Variants in ST3GAL3 observed in about 807,000 individuals in gnomAD.
ST3GAL3 encodes the protein ST3 beta-galactoside alpha-2,3-sialyltransferase 3.
In ST3GAL3, 21 loss-of-function variants were observed where a neutral mutation model predicts 50.1. The ratio of observed to expected loss-of-function variants is 0.42; its 90% CI spans 0.30 to 0.60. ST3GAL3 has a LOEUF of 0.60. ST3GAL3 is among the 20% of genes least tolerant of loss of function. The pLI is 0.19. For missense variants in ST3GAL3, 353 were observed against 489.4 expected (o/e 0.72, Z 2.63); for synonymous variants, 183 against 190.0 (o/e 0.96, Z 0.30).
At chr1:43,896,403 T>C (rs912210196) in intron 6 of ST3GAL3, among the ~76,000 whole-genome samples, 2 of 152,224 alleles carry the variant, frequency 1.3e-5, no homozygotes, top group Non-Finnish European at 2.9e-5. Flanking sequence ...ATAATAAGCA[T>C]TGATGTACCT....
intron 3 of ST3GAL3, among the ~76,000 whole-genome samples, chr1:43,796,839 A>G (rs1236150168): frequency 6.6e-6 from 1 of 152,232 alleles, no homozygotes; most frequent in Non-Finnish European, 1.5e-5. Context: ...AATGCTCCCC[A>G]AAGTAAAGGC....
At chr1:43,801,875 C>T (rs2059359768) in intron 3 of ST3GAL3, among the ~76,000 whole-genome samples, 1 of 152,112 alleles carries the variant, frequency 6.6e-6, no homozygotes, top group African/African-American at 2.4e-5. Flanking sequence ...AGCATTGCGC[C>T]TTTAGTCCAA....
In ST3GAL3 at chr1:43,917,673, A is replaced by G. The variant is rs2082298381; in HGVS notation, c.745-2731A>G. Among the ~76,000 whole-genome samples, 4 of 105,814 alleles carry G rather than the reference A, an allele frequency of 3.8e-5. No individual in the cohort carries two copies. In the South Asian group the frequency reaches 9.8e-4, roughly 26 times the overall value. 69.4% of individuals were successfully genotyped at this position (105,814 alleles called of 152,430 possible). A position where few individuals can be genotyped will look rare whatever the true frequency, so the allele number is the denominator to read the frequency against. The stretch of plus-strand genomic sequence containing the variant: ...TAATATAATATATAATATATATTAT[A>G]TATATATATATTTTAAACAGAGTCT... On this transcript the variant is annotated intron_variant, in intron 9 of 11. Coordinates refer to ENST00000347631, the MANE Select transcript of ST3GAL3 (RefSeq NM_006279.5).
intron 1 of ST3GAL3, among the ~76,000 whole-genome samples, chr1:43,732,735 A>G (rs954478977): frequency 1.3e-5 from 2 of 152,174 alleles, no homozygotes; most frequent in Non-Finnish European, 2.9e-5. Context: ...TCTTGCTGTT[A>G]TACTCAGAGT....
intron 2 of ST3GAL3, among the ~76,000 whole-genome samples, chr1:43,760,417 C>G (rs948486111): frequency 1.3e-5 from 2 of 152,142 alleles, no homozygotes; most frequent in African/African-American, 2.4e-5. Flanking sequence ...ACCCATAATG[C>G]GCAAATGACT....
At chr1:43,915,894 G>A (rs191687376) in intron 9 of ST3GAL3, among the ~76,000 whole-genome samples, 26 of 152,296 alleles carry the variant, frequency 1.7e-4, no homozygotes, top group African/African-American at 5.8e-4. Flanking sequence ...CGAGGTGGGC[G>A]GGTCTTCTGA....
intron 1 of ST3GAL3, among the ~76,000 whole-genome samples, chr1:43,719,675 GAAT>G (rs1407326634): frequency 1.4e-5 from 2 of 148,110 alleles, no homozygotes; most frequent in Non-Finnish European, 3.0e-5. Context: ...AAAAAAAAAA[GAAT>G]AAGCGGTGGC....
At chr1:43,867,503 G>A (rs1035766583) in intron 5 of ST3GAL3, among the ~76,000 whole-genome samples, 1 of 152,180 alleles carries the variant, frequency 6.6e-6, no homozygotes, top group African/African-American at 2.4e-5. Context: ...GTGGGTCTGG[G>A]GTTCCCAGGG....
rs1405816556 is a variant in ST3GAL3, at chr1:43,894,445, A to C, written c.365A>C (p.Glu122Ala). 1 of 1,614,108 alleles carries C rather than the reference A, an allele frequency of 6.2e-7. No homozygotes were observed. The highest frequency in any genetic ancestry group is 8.5e-7 in the Non-Finnish European group (1 of 1,180,014). ...DSFRKWARIREFVPPFGIKGQ... is the reference protein window; with the variant it reads ...DSFRKWARIRAFVPPFGIKGQ... ...TTTCGCAAGTGGGCTAGAATCCGGG[A>C]GTTCGTGCCGCCTTTTGGGATCAAA... The change falls in exon 6 of 12, where the codon GAG becomes GCG. Residue 122 changes from glutamate (E) to alanine (A), a missense_variant. Glu to Ala is a moderately radical substitution (Grantham distance 107). Coordinates refer to ENST00000347631, the MANE Select transcript of ST3GAL3 (RefSeq NM_006279.5).
intron 2 of ST3GAL3, among the ~76,000 whole-genome samples, chr1:43,749,583 A>G (rs1357731716): frequency 6.6e-6 from 1 of 152,142 alleles, no homozygotes; most frequent in Non-Finnish European, 1.5e-5. Context: ...ACAAACAAAC[A>G]AAAAAATGAA....
chr1:43,837,730 G>C (rs12084315), intron 4 of ST3GAL3, among the ~76,000 whole-genome samples: 3,516 of 152,262 alleles, frequency 0.023, 138 homozygotes, highest in African/African-American at 0.081. Context: ...CAACACTTTG[G>C]GAGGCCAAGG....
In ST3GAL3 at chr1:43,899,827, C is replaced by G; in HGVS notation, c.744+100C>G. 8.2e-7 allele frequency: 1 copy of G among 1,215,542 alleles called. No individual in the cohort carries two copies. Among genetic ancestry groups the G allele is most frequent in the Non-Finnish European group, 1.2e-6 (1 of 837,106 alleles). The allele number at this position is 1,215,542 out of a possible 1,614,324, so 75.3% of individuals were successfully genotyped here. ...AATGCAGCAAAGAACGAGTAAGAAC[C>G]TTCAAAGGAAACATTAATGACCCAA... On this transcript the variant is annotated intron_variant, in intron 9 of 11. Coordinates refer to ENST00000347631, the MANE Select transcript of ST3GAL3 (RefSeq NM_006279.5). This position sits in a 1 kb window ranked among gnomAD's most constrained non-coding sequence, Gnocchi z 5.4.
intron 1 of ST3GAL3, among the ~76,000 whole-genome samples, chr1:43,732,599 C>T (rs1173267041): frequency 6.6e-6 from 1 of 152,166 alleles, no homozygotes; most frequent in Non-Finnish European, 1.5e-5. Flanking sequence ...CATTAAACTG[C>T]CTTCAGTTTA....
chr1:43,920,140 G>A, intron 9 of ST3GAL3: 1 of 512,062 alleles, frequency 2.0e-6, no homozygotes, highest in South Asian at 2.0e-5. Context: ...CCCACATCCT[G>A]TGCCTGCCCG....
chr1:43,798,664 TA>T (rs1290778811), intron 3 of ST3GAL3, among the ~76,000 whole-genome samples: 1 of 152,230 alleles, frequency 6.6e-6, no homozygotes, highest in Non-Finnish European at 1.5e-5. Context: ...TCCACTCCTC[TA>T]ACCAGTCCTT....
In ST3GAL3 at chr1:43,886,475, T is replaced by C. The variant is rs915544146; in HGVS notation, c.303-7908T>C. On this transcript the variant is annotated intron_variant, in intron 5 of 11. Coordinates refer to ENST00000347631, the MANE Select transcript of ST3GAL3 (RefSeq NM_006279.5). ...CATTATATGTATCACAACATCACTT[T>C]GTACTCCATAAATATGTACAATTAT... Among the ~76,000 whole-genome samples, 3 of 152,386 alleles carry C rather than the reference T, an allele frequency of 2.0e-5. No homozygotes were observed. In the South Asian group the frequency reaches 6.2e-4, roughly 32 times the overall value.
chr1:43,746,363 G>T (rs981817382), intron 2 of ST3GAL3, among the ~76,000 whole-genome samples: 1 of 152,248 alleles, frequency 6.6e-6, no homozygotes, highest in East Asian at 1.9e-4. Context: ...CAGAGTTTCA[G>T]TTTATAAGAT....
At chr1:43,850,328 G>C (rs1301020835) in intron 5 of ST3GAL3, 3 of 593,032 alleles carry the variant, frequency 5.1e-6, no homozygotes, top group Admixed American at 4.6e-5. Flanking sequence ...GCAGAGGGAA[G>C]AGAGTGAAGC....
At chr1:43,868,495 G>A (rs936958508) in intron 5 of ST3GAL3, among the ~76,000 whole-genome samples, 2 of 152,112 alleles carry the variant, frequency 1.3e-5, no homozygotes, top group African/African-American at 4.8e-5. Context: ...ACTGAAAAAT[G>A]GCAAAGTCAT....
Sources: gnomAD v4.1 joint callset for allele counts (sites outside exome capture counted in the v4.1 genomes callset) on GRCh38, gnomAD v4.1.1 for gene constraint, Gnocchi (gnomAD v3.1) non-coding constraint, MANE v1.5 for transcripts, NCBI Gene and HGNC (gene_info 2026-07-23, HGNC 2026-07-21) for gene names.